ADGRB3: variants seen among roughly 807,000 people sequenced by gnomAD.
The protein encoded by ADGRB3 is adhesion G protein-coupled receptor B3.
Under a neutral mutation model 193.4 loss-of-function variants are expected in ADGRB3, and 37 were observed. That is an observed-to-expected ratio of 0.19 (90% CI 0.15 to 0.25). ADGRB3 has a LOEUF of 0.25. Ranked by LOEUF, ADGRB3 falls within the 10% of genes least tolerant of loss-of-function variation. The pLI, the probability that ADGRB3 is intolerant of heterozygous loss-of-function variation, is 1.00. For synonymous variants in ADGRB3, 690 were observed against 644.2 expected, an observed-to-expected ratio of 1.07 and a Z score of -1.08; for missense variants, 1,637 against 1,852.9, an observed-to-expected ratio of 0.88 and a Z score of 2.14.
chr6:68,959,159 T>C (rs1768163258), intron 8 of ADGRB3, among the ~76,000 whole-genome samples: 1 of 152,138 alleles, frequency 6.6e-6, no homozygotes, highest in African/African-American at 2.4e-5. Context: ...TGTACTTGAT[T>C]TATATACTGG....
chr6:68,930,417 G>A, intron 3 of ADGRB3, 142 bp from the exon 4 acceptor site: 2 of 489,084 alleles, frequency 4.1e-6, no homozygotes, highest in South Asian at 1.0e-4. Flanking sequence ...GATATTCCAA[G>A]CAGATTAGCC....
At chr6:68,732,634 A>G (rs1054023940) in intron 3 of ADGRB3, among the ~76,000 whole-genome samples, 1 of 151,922 alleles carries the variant, frequency 6.6e-6, no homozygotes, top group South Asian at 2.1e-4. Context: ...AGGTGGAACA[A>G]TAGTCAGTTT....
At chr6:69,343,923 A>G (rs1769032338) in intron 26 of ADGRB3, among the ~76,000 whole-genome samples, 1 of 152,194 alleles carries the variant, frequency 6.6e-6, no homozygotes. Context: ...AGATAACAAA[A>G]TATACTATTT....
At position 68,638,709 on chromosome 6, in the gene ADGRB3, T is replaced by C. The variant is rs1167299638; in HGVS notation, c.34T>C (p.Phe12Leu). 1 of 1,614,094 alleles carries C rather than the reference T, an allele frequency of 6.2e-7. No individual in the cohort carries two copies. Among genetic ancestry groups the C allele is most frequent in the South Asian group, 1.1e-5 (1 of 91,078 alleles). Residue 12 changes from phenylalanine (F) to leucine (L), a missense_variant, in exon 3 of 32, where the codon TTT becomes CTT. Phe to Leu is a conservative substitution (Grantham distance 22, BLOSUM62 0). Transcript: ENST00000370598. The stretch of plus-strand genomic sequence containing the variant: ...TGTTCGTAACCTGCTGATTTATATA[T>C]TTTCCACCTATCTCCTGGTTATGTT... The part of the protein sequence containing the change: ...KAVRNLLIYI[F>L]STYLLVMFGF...
chr6:69,038,706 T>C (rs540545063), intron 13 of ADGRB3, among the ~76,000 whole-genome samples: 1 of 152,322 alleles, frequency 6.6e-6, no homozygotes, highest in East Asian at 1.9e-4. Context: ...TTCCCCATTA[T>C]ATTATGTGTA....
intron 20 of ADGRB3, among the ~76,000 whole-genome samples, chr6:69,293,555 G>A (rs1434742572): frequency 6.6e-6 from 1 of 152,134 alleles, no homozygotes; most frequent in African/African-American, 2.4e-5. Context: ...CAGGTTTCAG[G>A]CTTGTGGCCC....
At chr6:68,962,515 T>C (rs1487300632) in intron 8 of ADGRB3, among the ~76,000 whole-genome samples, 1 of 152,196 alleles carries the variant, frequency 6.6e-6, no homozygotes, top group Non-Finnish European at 1.5e-5. Flanking sequence ...CATGAATTGC[T>C]TAAAAAGCAA....
At chr6:68,971,102 G>A (rs1212546394) in intron 8 of ADGRB3, among the ~76,000 whole-genome samples, 1 of 152,104 alleles carries the variant, frequency 6.6e-6, no homozygotes, top group East Asian at 1.9e-4. Context: ...CTGAACCAAA[G>A]AAACACATAT....
chr6:69,116,061 T>G (rs987989983), intron 17 of ADGRB3, among the ~76,000 whole-genome samples: 2 of 152,184 alleles, frequency 1.3e-5, no homozygotes, highest in Admixed American at 6.5e-5. Context: ...TTCAAAATTT[T>G]TAGGGAAGAC....
At chr6:68,986,071 A>C (rs1368650951) in intron 10 of ADGRB3, among the ~76,000 whole-genome samples, 1 of 152,166 alleles carries the variant, frequency 6.6e-6, no homozygotes, top group Non-Finnish European at 1.5e-5. Flanking sequence ...AATTCTAGCC[A>C]AAAACTCTGA....
chr6:68,680,161 TTC>T (rs1348086273), intron 3 of ADGRB3, among the ~76,000 whole-genome samples: 1 of 152,124 alleles, frequency 6.6e-6, no homozygotes, highest in Admixed American at 6.6e-5. Context: ...AGAAATAAAT[TTC>T]TGTCATGAAT....
intron 3 of ADGRB3, among the ~76,000 whole-genome samples, chr6:68,676,988 A>G (rs948602361): frequency 6.6e-6 from 1 of 152,242 alleles, no homozygotes; most frequent in Non-Finnish European, 1.5e-5. Context: ...CCATTTCAGA[A>G]TATTGTTTAT....
chr6:68,648,634 A>C (rs1210485449), intron 3 of ADGRB3, among the ~76,000 whole-genome samples: 1 of 150,976 alleles, frequency 6.6e-6, no homozygotes, highest in East Asian at 1.9e-4. Flanking sequence ...ATGTAGGTAG[A>C]ATTACTTCTT....
At chr6:69,032,850 C>G (rs1352652530) in intron 13 of ADGRB3, among the ~76,000 whole-genome samples, 1 of 152,132 alleles carries the variant, frequency 6.6e-6, no homozygotes, top group South Asian at 2.1e-4. Flanking sequence ...TATACCATGA[C>G]TAACTAGCCT....
At chr6:68,792,472 A>C (rs551664345) in intron 3 of ADGRB3, among the ~76,000 whole-genome samples, 1 of 152,246 alleles carries the variant, frequency 6.6e-6, no homozygotes, top group African/African-American at 2.4e-5. Flanking sequence ...AATTCTGAGT[A>C]AGGCCTTGGT....
At chr6:69,331,880 A>G (rs1052599836) in intron 23 of ADGRB3, 4 of 985,034 alleles carry the variant, frequency 4.1e-6, no homozygotes, top group Admixed American at 1.2e-4. Context: ...ACATAGATGA[A>G]TAAGTATTCT....
intron 16 of ADGRB3, among the ~76,000 whole-genome samples, chr6:69,074,095 A>G (rs1277327493): frequency 6.6e-6 from 1 of 152,150 alleles, no homozygotes; most frequent in Non-Finnish European, 1.5e-5. Context: ...ATCATTTTTT[A>G]CTAAATAAAT....
chr6:68,865,278 A>G (rs974952202), intron 3 of ADGRB3, among the ~76,000 whole-genome samples: 4 of 152,086 alleles, frequency 2.6e-5, no homozygotes, highest in African/African-American at 9.7e-5. Context: ...TGAAAAGTCC[A>G]GTTCTGATAA....
chr6:69,316,073 C>G (rs1469723874), intron 20 of ADGRB3, among the ~76,000 whole-genome samples: 1 of 151,100 alleles, frequency 6.6e-6, no homozygotes, highest in Non-Finnish European at 1.5e-5. Flanking sequence ...AACATGTTCT[C>G]TTTTGCTTTT....
Sources: gnomAD v4.1 joint callset for allele counts (sites outside exome capture counted in the v4.1 genomes callset) on GRCh38, gnomAD v4.1.1 for gene constraint, MANE v1.5 for transcripts, NCBI Gene and HGNC (gene_info 2026-07-23, HGNC 2026-07-21) for gene names.